NRP2: variants seen among roughly 807,000 people sequenced by gnomAD.
NRP2 encodes neuropilin-2.
NRP2 carries 52 observed loss-of-function variants against 110.4 expected under a neutral mutation model. That is an observed-to-expected ratio of 0.47 (90% CI 0.38 to 0.59). The LOEUF (loss-of-function observed/expected upper bound fraction) is 0.59. NRP2 is among the 20% of genes least tolerant of loss of function. The probability of loss-of-function intolerance (pLI) is 0.00; values close to 1 mark genes in which losing one functional copy is unlikely to be tolerated. For synonymous variants in NRP2, 508 were observed against 468.9 expected, an observed-to-expected ratio of 1.08 and a Z score of -1.08; for missense variants, 1,049 against 1,203.0, an observed-to-expected ratio of 0.87 and a Z score of 1.89.
At chr2:205,736,584 T>A (rs993675639) in intron 7 of NRP2, among the ~76,000 whole-genome samples, 1 of 152,188 alleles carries the variant, frequency 6.6e-6, no homozygotes, top group African/African-American at 2.4e-5. Flanking sequence ...TTGTTACTTG[T>A]GACCTGGCTT....
intron 10 of NRP2, among the ~76,000 whole-genome samples, 186 bp downstream of exon 10, chr2:205,746,076 C>A (rs527302079): frequency 4.6e-5 from 7 of 152,312 alleles, no homozygotes; most frequent in African/African-American, 1.7e-4. Flanking sequence ...GACAGTTTCT[C>A]AAGGGATGTA....
chr2:205,696,238 G>C (rs1047464154), intron 1 of NRP2, among the ~76,000 whole-genome samples: 1 of 152,218 alleles, frequency 6.6e-6, no homozygotes, highest in African/African-American at 2.4e-5. Context: ...AATGCCAACA[G>C]ACATGGGGAA....
chr2:205,718,296 T>C (rs1575581043), intron 3 of NRP2, among the ~76,000 whole-genome samples: 3 of 152,278 alleles, frequency 2.0e-5, no homozygotes, highest in African/African-American at 7.2e-5. Context: ...ATCATGCAAA[T>C]TTGAAAGGAG....
chr2:205,698,206 A>AG (rs1480801606), intron 2 of NRP2, among the ~76,000 whole-genome samples: 8 of 148,402 alleles, frequency 5.4e-5, no homozygotes, highest in Admixed American at 4.7e-4. Context: ...GTTTTCTTAT[A>AG]GAAAAAAAAA....
intron 1 of NRP2, among the ~76,000 whole-genome samples, chr2:205,693,637 G>A (rs1373011849): frequency 6.6e-6 from 1 of 152,192 alleles, no homozygotes; most frequent in Non-Finnish European, 1.5e-5. Context: ...GTCAAATTGA[G>A]TGAGTTAAGA....
chr2:205,700,917 C>A (rs1321972704), intron 2 of NRP2: 2 of 338,754 alleles, frequency 5.9e-6, no homozygotes. Flanking sequence ...TGGACTCCTG[C>A]AGCCAAAGGA....
chr2:205,792,819 C>T (rs962397341), intron 16 of NRP2, among the ~76,000 whole-genome samples: 1 of 152,166 alleles, frequency 6.6e-6, no homozygotes, highest in Non-Finnish European at 1.5e-5. Flanking sequence ...TATTTTTCCA[C>T]TGCAAACACA....
At chr2:205,692,968 G>C (rs757768222) in intron 1 of NRP2, among the ~76,000 whole-genome samples, 1 of 152,146 alleles carries the variant, frequency 6.6e-6, no homozygotes, top group African/African-American at 2.4e-5. Flanking sequence ...GCTTGCTAGT[G>C]GTGAGACTAG....
At chr2:205,757,530 A>G (rs966171190) in intron 12 of NRP2, among the ~76,000 whole-genome samples, 9 of 152,172 alleles carry the variant, frequency 5.9e-5, no homozygotes, top group Non-Finnish European at 8.8e-5. Flanking sequence ...TTTACTCATA[A>G]TGGGCTTGAT....
chr2:205,725,581 A>T lies in NRP2; in HGVS notation c.821-332A>T, dbSNP rs990964088. Among the ~76,000 whole-genome samples, 1 of 152,208 alleles carries T rather than the reference A, an allele frequency of 6.6e-6. No homozygotes were observed. The highest frequency in any genetic ancestry group is 1.5e-5 in the Non-Finnish European group (1 of 68,036). On this transcript the variant is annotated intron_variant, in intron 5 of 16. Coordinates refer to ENST00000357785, the MANE Select transcript of NRP2 (RefSeq NM_003872.3). This position sits in a 1 kb window ranked among gnomAD's most constrained non-coding sequence, Gnocchi z 4.1. ...ATCGCCACGAGTCTATCTCACATTT[A>T]CCTGTATTGCAGTAATGGTGCATCT...
At chr2:205,749,579 T>C (rs111366448) in intron 10 of NRP2, 146 bp from the exon 11 acceptor site, 2 of 688,614 alleles carry the variant, frequency 2.9e-6, no homozygotes, top group South Asian at 3.2e-5. Context: ...CCTGACTTCG[T>C]TGACAGCACA....
rs2057856133 is a variant in NRP2 at position 205,763,373 on chromosome 2, C to A, written c.2045-301C>A. The stretch of plus-strand genomic sequence containing the variant: ...AGGGAGAAGAAGGGCACGCACACAA[C>A]CAGCCAAGACATAAGGCAGCTGTGC... On this transcript the variant is annotated intron_variant, in intron 12 of 16. Transcript: ENST00000357785. The surrounding 1 kb of genome is among the most constrained non-coding windows in gnomAD (Gnocchi z 4.0). Among the ~76,000 whole-genome samples, 2 of 152,004 alleles carry A rather than the reference C, an allele frequency of 1.3e-5. No homozygotes were observed. The highest frequency in any genetic ancestry group is 4.2e-4 in the South Asian group (2 of 4,806).
chr2:205,699,186 C>G (rs1037211959), intron 2 of NRP2, among the ~76,000 whole-genome samples: 1 of 152,218 alleles, frequency 6.6e-6, no homozygotes, highest in African/African-American at 2.4e-5. Context: ...TCCTCTTTGT[C>G]TAAGTTACAT....
chr2:205,706,445 A>T (rs1192090579), intron 2 of NRP2, among the ~76,000 whole-genome samples: 1 of 152,140 alleles, frequency 6.6e-6, no homozygotes, highest in Non-Finnish European at 1.5e-5. Context: ...AGGATTCGTG[A>T]TGCAGGTTTT....
In NRP2 at chr2:205,683,171, G is replaced by A; in HGVS notation, c.-120G>A. 2.7e-6 allele frequency: 2 copies of A among 747,308 alleles called. No individual in the cohort carries two copies. The highest frequency in any genetic ancestry group is 2.3e-6 in the Non-Finnish European group (1 of 432,660). The allele number at this position is 747,308 out of a possible 1,614,324, so 46.3% of individuals were successfully genotyped here. ...AGCCACCAGGACTCAGGAGGGAAAC[G>A]CTGACCATTAGAAACCTCTGCATAA... On this transcript the variant is annotated 5_prime_UTR_variant, in exon 1 of 17. Coordinates refer to ENST00000357785, the MANE Select transcript of NRP2 (RefSeq NM_003872.3).
chr2:205,694,788 C>G (rs549063750), intron 1 of NRP2, among the ~76,000 whole-genome samples: 55 of 152,254 alleles, frequency 3.6e-4, no homozygotes, highest in African/African-American at 1.2e-3. Context: ...GTCCCCAACC[C>G]TAGAAAGGAA....
At chr2:205,708,401 G>C (rs1447492291) in intron 2 of NRP2, among the ~76,000 whole-genome samples, 1 of 152,228 alleles carries the variant, frequency 6.6e-6, no homozygotes, top group African/African-American at 2.4e-5. Context: ...TGGCCAGCCA[G>C]GTCAGCGAGG....
At chr2:205,790,766 A>G (rs1016837996) in intron 15 of NRP2, among the ~76,000 whole-genome samples, 10 of 152,084 alleles carry the variant, frequency 6.6e-5, no homozygotes, top group Admixed American at 5.2e-4. Context: ...CTCCCTTCCA[A>G]GGAAACAACC....
chr2:205,739,604 A>T (rs2057403911), intron 7 of NRP2, among the ~76,000 whole-genome samples: 1 of 150,988 alleles, frequency 6.6e-6, no homozygotes, highest in South Asian at 2.1e-4. Context: ...TTTAGAAGTG[A>T]TGGTTGGTTA....
Sources: allele counts gnomAD v4.1 joint callset (sites outside exome capture counted in the v4.1 genomes callset), GRCh38; gene constraint gnomAD v4.1.1; non-coding constraint Gnocchi (gnomAD v3.1); transcripts MANE v1.5; gene names NCBI Gene and HGNC (gene_info 2026-07-23, HGNC 2026-07-21).